The following NEGR1 variants were observed in gnomAD, a reference collection of about 807,000 sequenced individuals.
The protein encoded by NEGR1 is neuronal growth regulator 1, also known as IgLON family member 4.
In NEGR1, 10 loss-of-function variants were observed where a neutral mutation model predicts 40.9. The observed-to-expected ratio is 0.24, with a 90% CI of 0.15 to 0.42. The LOEUF (loss-of-function observed/expected upper bound fraction) is 0.42. Ranked by LOEUF, NEGR1 falls within the 10% of genes least tolerant of loss-of-function variation. The pLI is 1.00. For synonymous variants in NEGR1, 185 were observed against 166.8 expected (o/e 1.11, Z -0.84); for missense variants, 352 against 438.9 (o/e 0.80, Z 1.77).
chr1:71,938,601 T>C (rs918380919), intron 1 of NEGR1, among the ~76,000 whole-genome samples: 12 of 152,104 alleles, frequency 7.9e-5, no homozygotes, highest in African/African-American at 2.9e-4. Context: ...TAGGGTACAA[T>C]GGGGTGGAGG....
intron 1 of NEGR1, among the ~76,000 whole-genome samples, chr1:72,129,556 A>G (rs1045883738): frequency 2.6e-5 from 4 of 152,206 alleles, no homozygotes; most frequent in Admixed American, 6.5e-5. Flanking sequence ...ACAAGCTACA[A>G]ACAGTAATAT....
intron 2 of NEGR1, among the ~76,000 whole-genome samples, chr1:71,784,864 A>C (rs147644867): frequency 3.3e-4 from 51 of 152,344 alleles, no homozygotes; most frequent in African/African-American, 1.1e-3. Flanking sequence ...TGCTGGTTTT[A>C]GAGAGCTTAA....
At position 71,403,822 on chromosome 1, in the gene NEGR1, A is replaced by G. The variant is rs1569830904; in HGVS notation, c.*3624T>C. ...GGTTATGAAATATGGATGTTTTACTAAAAGACAGGAAGAGCTTTTTCCAGT... is the reference window on the plus strand; with the variant it reads ...GGTTATGAAATATGGATGTTTTACTGAAAGACAGGAAGAGCTTTTTCCAGT... On this transcript the variant is annotated 3_prime_UTR_variant, in exon 7 of 7. Coordinates refer to ENST00000357731, the MANE Select transcript of NEGR1 (RefSeq NM_173808.3). The G allele has an allele frequency of 2.6e-5, 10 of 381,184 alleles. No individual in the cohort carries two copies. Among genetic ancestry groups the G allele is most frequent in the East Asian group, 1.8e-4 (5 of 27,330 alleles). 23.6% of individuals were successfully genotyped at this position (381,184 alleles called of 1,614,324 possible).
chr1:72,232,455 T>A (rs1035209846), intron 1 of NEGR1, among the ~76,000 whole-genome samples: 11 of 152,086 alleles, frequency 7.2e-5, no homozygotes, highest in African/African-American at 2.2e-4. Flanking sequence ...GTTAGTATAT[T>A]CTCCTTCCTT....
chr1:71,802,288 T>A (rs528197469), intron 2 of NEGR1, among the ~76,000 whole-genome samples: 1 of 152,168 alleles, frequency 6.6e-6, no homozygotes, highest in East Asian at 1.9e-4. Flanking sequence ...GAAAGTATGT[T>A]CTGGAAGGGA....
chr1:72,265,403 C>T (rs1655605937), intron 1 of NEGR1, among the ~76,000 whole-genome samples: 1 of 150,570 alleles, frequency 6.6e-6, no homozygotes, highest in Non-Finnish European at 1.5e-5. Context: ...ATTTTTTCTC[C>T]AAGAAAAATA....
At chr1:72,063,257 C>A (rs1009599799) in intron 1 of NEGR1, among the ~76,000 whole-genome samples, 1 of 151,778 alleles carries the variant, frequency 6.6e-6, no homozygotes, top group African/African-American at 2.4e-5. Flanking sequence ...TCTAAATTTC[C>A]TTGCAAGGTA....
At chr1:71,658,734 G>T (rs1297431442) in intron 4 of NEGR1, among the ~76,000 whole-genome samples, 2 of 152,150 alleles carry the variant, frequency 1.3e-5, no homozygotes, top group African/African-American at 4.8e-5. Flanking sequence ...CCTTATCTTA[G>T]ATATTTTAAA....
chr1:72,081,817 T>C (rs770354700), intron 1 of NEGR1, among the ~76,000 whole-genome samples: 6 of 152,222 alleles, frequency 3.9e-5, no homozygotes, highest in Non-Finnish European at 8.8e-5. Flanking sequence ...ATCTTCACTA[T>C]ATCACTGTTA....
At chr1:71,997,098 T>C (rs1043634872) in intron 1 of NEGR1, among the ~76,000 whole-genome samples, 2 of 152,042 alleles carry the variant, frequency 1.3e-5, no homozygotes, top group African/African-American at 2.4e-5. Flanking sequence ...AAGGCTTTGT[T>C]TCTATTCTCA....
chr1:71,611,961 G>A (rs547802917), intron 4 of NEGR1, among the ~76,000 whole-genome samples: 3 of 152,286 alleles, frequency 2.0e-5, no homozygotes, highest in Non-Finnish European at 4.4e-5. Context: ...GGTGGCTCAC[G>A]CCTGTAATCC....
chr1:71,732,367 G>C (rs1213600950), intron 3 of NEGR1, among the ~76,000 whole-genome samples: 1 of 152,046 alleles, frequency 6.6e-6, no homozygotes, highest in Non-Finnish European at 1.5e-5. Context: ...CATTTCACAA[G>C]TATATAAGAA....
chr1:72,048,761 T>C (rs1647027126), intron 1 of NEGR1, among the ~76,000 whole-genome samples: 1 of 151,688 alleles, frequency 6.6e-6, no homozygotes, highest in Non-Finnish European at 1.5e-5. Flanking sequence ...TTAAGGATCT[T>C]AGTTCTTTTC....
At chr1:72,072,819 AT>A (rs1244221530) in intron 1 of NEGR1, among the ~76,000 whole-genome samples, 2 of 152,166 alleles carry the variant, frequency 1.3e-5, no homozygotes, top group Admixed American at 6.6e-5. Context: ...GTCTCATTCA[AT>A]TATTGTTAAA....
chr1:71,619,880 A>T (rs1454190741), intron 4 of NEGR1, among the ~76,000 whole-genome samples: 11 of 152,084 alleles, frequency 7.2e-5, no homozygotes, highest in Admixed American at 7.2e-4. Flanking sequence ...CAACAAGCCT[A>T]ATCAAGATTC....
chr1:71,898,921 TATTTGCAAATATATATA>T (rs1489936785), intron 2 of NEGR1, among the ~76,000 whole-genome samples: 3 of 134,208 alleles, frequency 2.2e-5, no homozygotes, highest in South Asian at 2.3e-4. Flanking sequence ...TGCAAATATA[TATTTGCAAATATATATA>T]ATATATTGCA....
intron 2 of NEGR1, among the ~76,000 whole-genome samples, chr1:71,916,021 T>C (rs923843846): frequency 1.3e-5 from 2 of 152,028 alleles, no homozygotes; most frequent in Admixed American, 6.5e-5. Context: ...ACACATCAGG[T>C]TCTTTAAGGG....
chr1:71,428,136 T>C (rs1646441497), intron 6 of NEGR1, among the ~76,000 whole-genome samples: 1 of 152,110 alleles, frequency 6.6e-6, no homozygotes, highest in Non-Finnish European at 1.5e-5. Context: ...GTGAGGTGAA[T>C]GGGAAACAGC....
chr1:71,989,480 G>A (rs565543812), intron 1 of NEGR1, among the ~76,000 whole-genome samples: 190 of 152,236 alleles, frequency 1.2e-3, no homozygotes, highest in Middle Eastern at 3.4e-3. Flanking sequence ...ACTGCATTTT[G>A]TGTTGCCTAA....
Sources: gnomAD v4.1 joint callset for allele counts (sites outside exome capture counted in the v4.1 genomes callset) on GRCh38, gnomAD v4.1.1 for gene constraint, MANE v1.5 for transcripts, NCBI Gene and HGNC (gene_info 2026-07-23, HGNC 2026-07-21) for gene names.